Variants in TAFA2 observed in about 807,000 individuals in gnomAD.
The protein encoded by TAFA2 is chemokine-like protein TAFA-2.
In TAFA2, 7 loss-of-function variants were observed where a neutral mutation model predicts 18.8. The observed-to-expected ratio is 0.37, with a 90% confidence interval of 0.21 to 0.70. TAFA2 has a LOEUF of 0.70. Ranked by LOEUF, TAFA2 falls within the 30% of genes least tolerant of loss-of-function variation. The pLI, the probability that TAFA2 is intolerant of heterozygous loss-of-function variation, is 0.53. For missense variants in TAFA2, 122 were observed against 158.1 expected (o/e 0.77, Z 1.23); for synonymous variants, 60 against 54.2 (o/e 1.11, Z -0.47).
intron 2 of TAFA2, among the ~76,000 whole-genome samples, chr12:61,803,543 T>C (rs73125574): frequency 0.28 from 42,883 of 151,662 alleles, 6,775 homozygotes; most frequent in South Asian, 0.4. Context: ...GTACAGCTTA[T>C]GGATTAAAAA....
chr12:61,757,489 C>T (rs1474245967), intron 2 of TAFA2, among the ~76,000 whole-genome samples: 1 of 151,928 alleles, frequency 6.6e-6, no homozygotes, highest in East Asian at 1.9e-4. Flanking sequence ...AATCAAGCAA[C>T]AACATTTATA....
intron 1 of TAFA2, among the ~76,000 whole-genome samples, chr12:61,985,464 G>A (rs1879780886): frequency 6.6e-6 from 1 of 152,110 alleles, no homozygotes; most frequent in Non-Finnish European, 1.5e-5. Flanking sequence ...TTATAGGAAT[G>A]CTGTATAGTT....
intron 2 of TAFA2, among the ~76,000 whole-genome samples, chr12:61,812,515 A>T (rs1373317888): frequency 2.0e-5 from 3 of 150,284 alleles, no homozygotes; most frequent in African/African-American, 5.0e-5. Context: ...ACAACCTAAG[A>T]CCCCCAAACA....
chr12:61,908,369 A>T lies in TAFA2; in HGVS notation c.-1-40943T>A, dbSNP rs189278806. The stretch of plus-strand genomic sequence containing the variant: ...TTTATAAAAGGGCACTCCCCGGCAC[A>T]CACTGTCTTGCCTGTTGCCATGTAA... On this transcript the variant is annotated intron_variant, in intron 1 of 4. Transcript: ENST00000416284. Among the ~76,000 whole-genome samples the T allele has an allele frequency of 3.9e-5, 6 of 152,206 alleles. No homozygotes were observed. The East Asian group carries it at 1.2e-3, about 30-fold the overall frequency.
intron 1 of TAFA2, among the ~76,000 whole-genome samples, chr12:61,986,805 T>G (rs1879836568): frequency 1.3e-5 from 2 of 152,176 alleles, no homozygotes; most frequent in Non-Finnish European, 2.9e-5. Context: ...GCTTGAAAAC[T>G]AAAATAATTC....
chr12:62,259,597 A>G (rs545984800), upstream of TAFA2: 2 of 152,358 alleles, frequency 1.3e-5, no homozygotes, highest in East Asian at 3.9e-4. Flanking sequence ...GGTGTACGGC[A>G]CCATACGAAG....
chr12:61,867,683 T>A (rs1349171418), intron 1 of TAFA2, among the ~76,000 whole-genome samples: 1 of 152,128 alleles, frequency 6.6e-6, no homozygotes, highest in Non-Finnish European at 1.5e-5. Flanking sequence ...ACAGCCTAAA[T>A]CAGTTTGGAA....
At chr12:62,021,875 GTT>G in intron 1 of TAFA2, 1 of 765,934 alleles carries the variant, frequency 1.3e-6, no homozygotes, top group East Asian at 2.5e-5. Context: ...CGTCCTCGGA[GTT>G]TCCCAGACAC....
At chr12:61,920,653 CT>C (rs1357943801) in intron 1 of TAFA2, among the ~76,000 whole-genome samples, 1 of 152,094 alleles carries the variant, frequency 6.6e-6, no homozygotes, top group African/African-American at 2.4e-5. Context: ...CGTATGTGTG[CT>C]GTGCATGTTC....
intron 1 of TAFA2, among the ~76,000 whole-genome samples, chr12:62,013,113 T>C (rs1410717882): frequency 6.6e-6 from 1 of 152,144 alleles, no homozygotes; most frequent in Non-Finnish European, 1.5e-5. Context: ...CATTCGTAGT[T>C]TATGGACAAA....
At chr12:62,190,707 T>C (rs1282194786) in intron 1 of TAFA2, among the ~76,000 whole-genome samples, 2 of 152,116 alleles carry the variant, frequency 1.3e-5, no homozygotes, top group Admixed American at 1.3e-4. Context: ...ATGAAGATAG[T>C]TAGAGGTGGA....
chr12:61,740,489 A>G (rs534369711), intron 4 of TAFA2, among the ~76,000 whole-genome samples: 3 of 151,942 alleles, frequency 2.0e-5, no homozygotes, highest in Non-Finnish European at 4.4e-5. Context: ...AAAAAAAAAA[A>G]GTCTAAAAAC....
intron 1 of TAFA2, among the ~76,000 whole-genome samples, chr12:62,145,293 G>A (rs1395381939): frequency 6.6e-6 from 1 of 152,186 alleles, no homozygotes; most frequent in Admixed American, 6.5e-5. Context: ...CCTGAGCTCT[G>A]CCTCCTGTCA....
intron 1 of TAFA2, among the ~76,000 whole-genome samples, chr12:62,144,672 AG>A (rs1215619639): frequency 2.6e-5 from 4 of 152,230 alleles, no homozygotes; most frequent in African/African-American, 9.6e-5. Flanking sequence ...ATCCAAAAGA[AG>A]GCACCCTTAA....
At chr12:61,868,546 C>T (rs1874453484) in intron 1 of TAFA2, among the ~76,000 whole-genome samples, 1 of 152,008 alleles carries the variant, frequency 6.6e-6, no homozygotes, top group Non-Finnish European at 1.5e-5. Flanking sequence ...ATTCCTTTTC[C>T]TCTTGTATTT....
intron 1 of TAFA2, among the ~76,000 whole-genome samples, chr12:61,875,874 C>T (rs1469667614): frequency 6.6e-6 from 1 of 151,600 alleles, no homozygotes; most frequent in Non-Finnish European, 1.5e-5. Context: ...ATTCACAAAG[C>T]TTCCACTCCT....
chr12:61,955,426 A>AC (rs1216796572), intron 1 of TAFA2, among the ~76,000 whole-genome samples: 2 of 150,540 alleles, frequency 1.3e-5, no homozygotes, highest in African/African-American at 4.9e-5. Context: ...ACATGGTGAA[A>AC]CCCCGTCTCT....
chr12:61,937,700 A>C (rs1307727758), intron 1 of TAFA2, among the ~76,000 whole-genome samples: 1 of 152,218 alleles, frequency 6.6e-6, no homozygotes, highest in Non-Finnish European at 1.5e-5. Flanking sequence ...AACCATAAAC[A>C]TTCTAAAAGA....
Position 61,911,811 on chromosome 12 carries a change from G to T in TAFA2, c.-1-44385C>A, listed in dbSNP as rs116745510. Among the ~76,000 whole-genome samples the T allele has an allele frequency of 2.3e-3, 345 of 152,178 alleles. 2 individuals carry two copies. Among genetic ancestry groups the T allele is most frequent in the African/African-American group, 7.8e-3 (323 of 41,526 alleles). On this transcript the variant is annotated intron_variant, in intron 1 of 4. Transcript: ENST00000416284. ...GAGAAGGTGAAACATCACAGTAATAGCCAGGAAACAAGAATCAAGGGTCAG... is the reference window on the plus strand; with the variant it reads ...GAGAAGGTGAAACATCACAGTAATATCCAGGAAACAAGAATCAAGGGTCAG...
Sources: gnomAD v4.1 joint callset for allele counts (sites outside exome capture counted in the v4.1 genomes callset) on GRCh38, gnomAD v4.1.1 for gene constraint, MANE v1.5 for transcripts, NCBI Gene and HGNC (gene_info 2026-07-23, HGNC 2026-07-21) for gene names.